PVT1: variants seen among roughly 807,000 people sequenced by gnomAD.
The protein encoded by PVT1 is CXCR4/PVT1 fusion.
At chr8:127,811,105 T>C (rs370910866) in intron 2 of PVT1, among the ~76,000 whole-genome samples, 2 of 152,264 alleles carry the variant, frequency 1.3e-5, no homozygotes, top group Admixed American at 6.5e-5. Flanking sequence ...CTTCTAGATG[T>C]TATCAGAGAG....
At chr8:127,939,502 C>T (rs1404108721) in intron 3 of PVT1, 1 of 152,360 alleles carries the variant, frequency 6.6e-6, no homozygotes, top group Non-Finnish European at 1.5e-5. Context: ...CCTTTTGCTT[C>T]TGCAGCTGAC....
chr8:127,962,865 G>C (rs1299120456), intron 3 of PVT1, among the ~76,000 whole-genome samples: 1 of 152,138 alleles, frequency 6.6e-6, no homozygotes, highest in Non-Finnish European at 1.5e-5. Context: ...CAAAGTGCTG[G>C]GATTACAGGC....
chr8:127,880,727 A>C (rs908999445), intron 2 of PVT1, among the ~76,000 whole-genome samples: 1 of 151,206 alleles, frequency 6.6e-6, no homozygotes. Context: ...TAGCCTCCCG[A>C]GTAGCTGCGA....
In PVT1 at chr8:127,949,234, C is replaced by T. The variant is rs553592956; in HGVS notation, n.783-39928C>T. On this transcript the variant is annotated intron_variant and non_coding_transcript_variant, in intron 3 of 10. Transcript: ENST00000651587. ...GTGCCCACACACCAGATCACTATGC[C>T]GTCCCAGCTGTTGTTACAATAAGAC... Among the ~76,000 whole-genome samples, 7 of 152,222 alleles carry T rather than the reference C, an allele frequency of 4.6e-5. No individual in the cohort carries two copies. The East Asian group carries it at 5.8e-4, about 13-fold the overall frequency.
chr8:127,855,964 G>T (rs1238619190), intron 2 of PVT1, among the ~76,000 whole-genome samples: 1 of 152,160 alleles, frequency 6.6e-6, no homozygotes, highest in Non-Finnish European at 1.5e-5. Context: ...CCCTGACCAG[G>T]CCACCTGACG....
At chr8:127,947,682 G>A (rs1376352555) in intron 3 of PVT1, 1 of 456,112 alleles carries the variant, frequency 2.2e-6, no homozygotes. Flanking sequence ...CTCTGGACAT[G>A]GCCAGCTGTG....
chr8:128,044,566 T>C (rs376570033), intron 4 of PVT1, among the ~76,000 whole-genome samples: 1 of 152,196 alleles, frequency 6.6e-6, no homozygotes, highest in Non-Finnish European at 1.5e-5. Context: ...ACCTCCCTGC[T>C]GGTAACAAAC....
chr8:127,953,933 G>A (rs1253162579), intron 3 of PVT1, among the ~76,000 whole-genome samples: 1 of 152,122 alleles, frequency 6.6e-6, no homozygotes, highest in East Asian at 1.9e-4. Context: ...TAAATGCAAA[G>A]CATGGTCTAG....
intron 4 of PVT1, among the ~76,000 whole-genome samples, chr8:128,014,461 A>G (rs1201877198): frequency 6.6e-6 from 1 of 152,190 alleles, no homozygotes; most frequent in African/African-American, 2.4e-5. Flanking sequence ...AAGAGAAGTG[A>G]AGGCCTTGAA....
intron 4 of PVT1, among the ~76,000 whole-genome samples, chr8:128,037,114 G>C (rs1418851601): frequency 2.0e-5 from 3 of 152,222 alleles, no homozygotes; most frequent in African/African-American, 7.2e-5. Flanking sequence ...CCCCCAGGCA[G>C]TGGGAAGAGG....
At chr8:127,889,520 C>T (rs1040730957) in intron 2 of PVT1, among the ~76,000 whole-genome samples, 8 of 151,236 alleles carry the variant, frequency 5.3e-5, no homozygotes, top group Non-Finnish European at 1.0e-4. Context: ...TCAAATTTCT[C>T]ATCTCTAAAG....
intron 3 of PVT1, among the ~76,000 whole-genome samples, chr8:127,933,025 T>C (rs923532575): frequency 1.3e-5 from 2 of 152,218 alleles, no homozygotes; most frequent in Non-Finnish European, 2.9e-5. Context: ...AAAGGGCATA[T>C]TATTGCCCTT....
At chr8:128,058,542 C>T (rs144664024) in intron 4 of PVT1, among the ~76,000 whole-genome samples, 8 of 152,222 alleles carry the variant, frequency 5.3e-5, no homozygotes, top group South Asian at 2.1e-4. Context: ...CAGACTTCAC[C>T]GTTGTTCAGA....
At chr8:127,949,030 C>T (rs574153473) in intron 3 of PVT1, among the ~76,000 whole-genome samples, 1 of 152,214 alleles carries the variant, frequency 6.6e-6, no homozygotes, top group South Asian at 2.1e-4. Flanking sequence ...CTGTTTAAGC[C>T]TTTTCCATGT....
At chr8:127,855,364 G>C in intron 2 of PVT1, 1 of 395,874 alleles carries the variant, frequency 2.5e-6, no homozygotes, top group Non-Finnish European at 4.4e-6. Context: ...CCCGGTGTGC[G>C]GAAATTGGAT....
intron 4 of PVT1, among the ~76,000 whole-genome samples, chr8:128,040,098 A>C (rs1813513165): frequency 6.6e-6 from 1 of 152,132 alleles, no homozygotes; most frequent in African/African-American, 2.4e-5. Context: ...GTAAGGAGGC[A>C]GCTGCATGTA....
chr8:127,965,850 C>T (rs984150853), intron 3 of PVT1, among the ~76,000 whole-genome samples: 2 of 152,206 alleles, frequency 1.3e-5, no homozygotes, highest in Non-Finnish European at 1.5e-5. Context: ...CTCTGAAGAG[C>T]TTCCATCCTA....
chr8:127,929,077 T>C (rs987179031), intron 3 of PVT1, among the ~76,000 whole-genome samples: 1 of 152,082 alleles, frequency 6.6e-6, no homozygotes, highest in Admixed American at 6.5e-5. Flanking sequence ...AAGATAAACA[T>C]ATGTATTGTA....
intron 2 of PVT1, among the ~76,000 whole-genome samples, chr8:127,844,370 T>G (rs1193893481): frequency 1.3e-5 from 2 of 152,142 alleles, no homozygotes; most frequent in Non-Finnish European, 1.5e-5. Context: ...CCACCTTTAT[T>G]TGTGCATCCG....
Sources: allele counts gnomAD v4.1 joint callset (sites outside exome capture counted in the v4.1 genomes callset), GRCh38; gene constraint gnomAD v4.1.1; transcripts MANE v1.5; gene names NCBI Gene and HGNC (gene_info 2026-07-23, HGNC 2026-07-21).